DNAH9: variants seen among roughly 807,000 people sequenced by gnomAD.
The protein encoded by DNAH9 is DNAH9 variant protein.
DNAH9 carries 345 observed loss-of-function variants against 471.6 expected under a neutral mutation model. The observed-to-expected ratio is 0.73, with a 90% CI of 0.67 to 0.80. The LOEUF is 0.80. Ranked by LOEUF, DNAH9 falls within the 30% of genes least tolerant of loss-of-function variation. The pLI is 0.00. For synonymous variants in DNAH9, 2,093 were observed against 2,123.6 expected (o/e 0.99, Z 0.40); for missense variants, 5,407 against 5,609.2 (o/e 0.96, Z 1.15).
chr17:11,930,104 G>T lies in DNAH9; in HGVS notation c.12105+11G>T. On this transcript the variant is annotated intron_variant, in intron 63 of 68. Transcript: ENST00000262442. ...GACAACTTCACTCAGGTACGGCCCC[G>T]GGAGGGAGGCAAAAACAGCAGCACA... 6.2e-7 allele frequency: 1 copy of T among 1,608,904 alleles called. No individual in the cohort carries two copies. Among genetic ancestry groups the T allele is most frequent in the Non-Finnish European group, 8.5e-7 (1 of 1,176,674 alleles).
Position 11,937,323 on chromosome 17 carries a change from T to C in DNAH9, c.12490-29T>C. The C allele has an allele frequency of 6.3e-7, 1 of 1,584,094 alleles. No individual in the cohort carries two copies. The highest frequency in any genetic ancestry group is 8.6e-7 in the Non-Finnish European group (1 of 1,163,462). ...AGATGGGAGGTACGTCCTGGTTTCT[T>C]TTTAAGTGAGCTTGCCCTTGATTTT... On this transcript the variant is annotated intron_variant, in intron 65 of 68. Transcript: ENST00000262442. This position sits in a 1 kb window ranked among gnomAD's most constrained non-coding sequence, Gnocchi z 4.1.
chr17:11,605,375 G>A (rs2072479304), intron 1 of DNAH9, among the ~76,000 whole-genome samples: 1 of 152,148 alleles, frequency 6.6e-6, no homozygotes, highest in Non-Finnish European at 1.5e-5. Flanking sequence ...ATTTTTGACT[G>A]TTTTGTTCAC....
intron 14 of DNAH9, among the ~76,000 whole-genome samples, chr17:11,654,426 T>C (rs919013504): frequency 1.3e-5 from 2 of 151,212 alleles, no homozygotes; most frequent in Admixed American, 1.3e-4. Flanking sequence ...ATCTATCTAT[T>C]GATGTATCAC....
At chr17:11,652,587 G>T (rs1241678428) in intron 13 of DNAH9, among the ~76,000 whole-genome samples, 174 bp from the exon 14 acceptor site, 1 of 151,902 alleles carries the variant, frequency 6.6e-6, no homozygotes, top group East Asian at 1.9e-4. Flanking sequence ...GCCCGGCCAG[G>T]GTTGGCTTTT....
At position 11,756,621 on chromosome 17, in the gene DNAH9, C is replaced by A. The variant is rs1967400770; in HGVS notation, c.6792C>A (p.Leu2264=). The part of the protein sequence containing the change: ...ERIPLNPTMK[L]LFEISHLRTA... The stretch of plus-strand genomic sequence containing the variant: ...TTCCTCTGAACCCCACCATGAAGCT[C>A]CTCTTTGAGATCAGCCACCTGCGCA... Residue 2264 remains leucine, a synonymous_variant, in exon 34 of 69, where the codon CTC becomes CTA. Coordinates refer to ENST00000262442, the MANE Select transcript of DNAH9 (RefSeq NM_001372.4). 7 of 1,613,982 alleles carry A rather than the reference C, an allele frequency of 4.3e-6. No individual in the cohort carries two copies. The East Asian group carries it at 1.6e-4, about 36-fold the overall frequency.
intron 6 of DNAH9, among the ~76,000 whole-genome samples, chr17:11,622,505 C>T (rs1355288461): frequency 2.0e-5 from 3 of 152,082 alleles, no homozygotes; most frequent in African/African-American, 7.2e-5. Context: ...CCAGCCCATG[C>T]CTGGCCTGGG....
intron 61 of DNAH9, among the ~76,000 whole-genome samples, chr17:11,908,965 C>G (rs956466473): frequency 1.3e-5 from 2 of 152,206 alleles, no homozygotes; most frequent in Admixed American, 6.5e-5. Flanking sequence ...CATGCAGTCT[C>G]TACTGATTAG....
rs1341676767 is a variant in DNAH9, at chr17:11,601,712, C to G, written c.417+2797C>G. On this transcript the variant is annotated intron_variant, in intron 1 of 68. Coordinates refer to ENST00000262442, the MANE Select transcript of DNAH9 (RefSeq NM_001372.4). ...CCATCTGCTAAGACCCTCCTTCTGG[C>G]CCAGCCCTCCTGTCCACCCCCTCTC... 2.6e-5 allele frequency among the ~76,000 whole-genome samples: 4 copies of G among 152,184 alleles called. No individual in the cohort carries two copies. The East Asian group carries it at 7.8e-4, about 30-fold the overall frequency.
At chr17:11,702,010 A>G (rs1206265224) in intron 24 of DNAH9, among the ~76,000 whole-genome samples, 2 of 152,166 alleles carry the variant, frequency 1.3e-5, no homozygotes, top group Admixed American at 1.3e-4. Context: ...GGGGAGGCTC[A>G]GGGTACTCTG....
At position 11,784,446 on chromosome 17, in the gene DNAH9, C is replaced by T. The variant is rs200016976; in HGVS notation, c.7968C>T (p.Leu2656=). The change falls in exon 41 of 69, where the codon CTC becomes CTT. Residue 2656 remains leucine, a synonymous_variant. Transcript: ENST00000262442. ...KSIPPLIDLA[L]AFHQKIATTF... ...TCCCCCCACTGATCGATCTGGCCCT[C>T]GCCTTCCACCAGAAAATTGCTACCA... The T allele has an allele frequency of 4.7e-5, 76 of 1,614,096 alleles. 1 individual carries two copies. In the South Asian group the frequency reaches 6.9e-4, roughly 15 times the overall value.
intron 26 of DNAH9, among the ~76,000 whole-genome samples, chr17:11,717,891 T>C (rs1185083320): frequency 2.0e-5 from 3 of 152,320 alleles, no homozygotes; most frequent in East Asian, 3.9e-4. Flanking sequence ...ATCTCTTTTT[T>C]GAGACAGGGT....
At position 11,969,352 on chromosome 17, in the gene DNAH9, T is replaced by C; in HGVS notation, c.13286T>C (p.Val4429Ala). The C allele has an allele frequency of 6.2e-7, 1 of 1,614,028 alleles. No individual in the cohort carries two copies. Among genetic ancestry groups the C allele is most frequent in the Non-Finnish European group, 8.5e-7 (1 of 1,180,000 alleles). ...AAGGATCTGACACCCCCTATGCCTGTGATGTTCATCAAGGCCATTCCTGCA... is the reference window on the plus strand; with the variant it reads ...AAGGATCTGACACCCCCTATGCCTGCGATGTTCATCAAGGCCATTCCTGCA... ...KLKDLTPPMP[V>A]MFIKAIPADK... Residue 4429 changes from valine (V) to alanine (A), a missense_variant, in exon 69 of 69, where the codon GTG becomes GCG. Physicochemically the swap from Val to Ala is moderately conservative, Grantham distance 64 (BLOSUM62 0). Around this residue, in one of 3 missense-constraint regions of DNAH9, gnomAD observed 4,636 missense variants for 4,900.3 expected, o/e 0.95. Transcript: ENST00000262442.
chr17:11,742,577 G>A (rs1399983416), intron 30 of DNAH9, among the ~76,000 whole-genome samples: 1 of 152,128 alleles, frequency 6.6e-6, no homozygotes, highest in Non-Finnish European at 1.5e-5. Context: ...AGCGTCCCAT[G>A]AGAGACATTA....
At chr17:11,910,646 A>C (rs1312208615) in intron 61 of DNAH9, among the ~76,000 whole-genome samples, 2 of 152,224 alleles carry the variant, frequency 1.3e-5, no homozygotes, top group Non-Finnish European at 2.9e-5. Context: ...TTTCCAAAAC[A>C]GATGCACCAT....
chr17:11,902,601 A>C, intron 59 of DNAH9, 118 bp from the exon 60 acceptor site: 3 of 981,718 alleles, frequency 3.1e-6, no homozygotes, highest in Non-Finnish European at 4.5e-6. Flanking sequence ...GCTCTAGACA[A>C]GAGTATAAAT....
At chr17:11,872,689 G>A (rs540788606) in intron 52 of DNAH9, among the ~76,000 whole-genome samples, 138 of 152,170 alleles carry the variant, frequency 9.1e-4, no homozygotes, top group Non-Finnish European at 1.6e-3. Context: ...GGGAGGTTGA[G>A]GCGGGCGGAT....
intron 28 of DNAH9, among the ~76,000 whole-genome samples, chr17:11,733,482 T>C (rs935419717): frequency 2.0e-5 from 3 of 152,160 alleles, no homozygotes; most frequent in African/African-American, 2.4e-5. Context: ...GCAGCTCTTA[T>C]GGTCAGACGG....
At chr17:11,770,451 G>T (rs944737198) in intron 38 of DNAH9, among the ~76,000 whole-genome samples, 2 of 152,124 alleles carry the variant, frequency 1.3e-5, no homozygotes, top group Non-Finnish European at 2.9e-5. Flanking sequence ...TGATGGGGGG[G>T]AGCACCACCT....
At chr17:11,869,986 G>T (rs1972202077) in intron 51 of DNAH9, among the ~76,000 whole-genome samples, 1 of 152,152 alleles carries the variant, frequency 6.6e-6, no homozygotes, top group Admixed American at 6.5e-5. Context: ...GGGCATCTTG[G>T]CAGTGATGAT....
Sources: allele counts gnomAD v4.1 joint callset (sites outside exome capture counted in the v4.1 genomes callset), GRCh38; gene constraint gnomAD v4.1.1; regional missense constraint gnomAD v4.1.1; non-coding constraint Gnocchi (gnomAD v3.1); transcripts MANE v1.5; gene names NCBI Gene and HGNC (gene_info 2026-07-23, HGNC 2026-07-21).